Variants in SEM1 observed in about 807,000 individuals in gnomAD.
SEM1 encodes the protein 26S proteasome complex subunit SEM1.
A neutral mutation model predicts 12.7 loss-of-function variants in SEM1; 3 were observed. The observed-to-expected ratio is 0.24, with a 90% CI of 0.11 to 0.61. SEM1 has a LOEUF of 0.61. SEM1 is among the 20% of genes least tolerant of loss of function. The pLI is 0.88. For missense variants in SEM1, 59 were observed against 81.3 expected, an observed-to-expected ratio of 0.73 and a Z score of 1.06; for synonymous variants, 30 against 27.8, an observed-to-expected ratio of 1.08 and a Z score of -0.25.
intron 2 of SEM1, among the ~76,000 whole-genome samples, chr7:96,643,390 T>C (rs2116401713): frequency 6.6e-6 from 1 of 152,256 alleles, no homozygotes. Flanking sequence ...GGGGTACATG[T>C]ACAGAACATG....
intron 1 of SEM1, among the ~76,000 whole-genome samples, chr7:96,704,687 A>G (rs1441029433): frequency 6.6e-6 from 1 of 152,182 alleles, no homozygotes; most frequent in Non-Finnish European, 1.5e-5. Context: ...ACTAATTCAA[A>G]TGTTTAATGG....
chr7:96,530,522 A>G (rs1425464574), intron 2 of SEM1, among the ~76,000 whole-genome samples: 1 of 152,108 alleles, frequency 6.6e-6, no homozygotes, highest in African/African-American at 2.4e-5. Context: ...GCTGGGAACA[A>G]AAAAGAGCAC....
At chr7:96,485,408 C>T (rs1181905291) in intron 2 of SEM1, among the ~76,000 whole-genome samples, 4 of 151,922 alleles carry the variant, frequency 2.6e-5, no homozygotes, top group Admixed American at 2.6e-4. Flanking sequence ...TCCCTCAATC[C>T]CTCCTCTTGC....
intron 2 of SEM1, among the ~76,000 whole-genome samples, chr7:96,560,438 T>C (rs1805657834): frequency 6.6e-6 from 1 of 152,206 alleles, no homozygotes; most frequent in Admixed American, 6.5e-5. Context: ...TAAATTTCTT[T>C]AGTAAAGTAC....
intron 1 of SEM1, among the ~76,000 whole-genome samples, chr7:96,700,714 T>C (rs1277620164): frequency 2.6e-5 from 4 of 152,166 alleles, no homozygotes; most frequent in Non-Finnish European, 4.4e-5. Context: ...TAAACCACAA[T>C]TGCTTACTGC....
At chr7:96,668,463 C>T (rs1352993485), downstream of SEM1, among the ~76,000 whole-genome samples, 5 of 152,108 alleles carry the variant, frequency 3.3e-5, no homozygotes, top group East Asian at 9.6e-4. Context: ...CAATTACAGT[C>T]CTCAACTTTA....
chr7:96,625,514 G>GT (rs1201907299), intron 2 of SEM1, among the ~76,000 whole-genome samples: 2 of 152,176 alleles, frequency 1.3e-5, no homozygotes, highest in African/African-American at 4.8e-5. Flanking sequence ...TTACTCCCTA[G>GT]TGTTGTCACT....
intron 2 of SEM1, among the ~76,000 whole-genome samples, chr7:96,593,277 T>C (rs564579853): frequency 1.3e-5 from 2 of 152,304 alleles, no homozygotes; most frequent in East Asian, 1.9e-4. Context: ...TATTGCTTGA[T>C]GGCAACTCAA....
At chr7:96,483,819 A>G (rs1170245037) in exon 4 of SEM1, 1 of 1,536,036 alleles carries the variant, frequency 6.5e-7, no homozygotes, top group Non-Finnish European at 8.7e-7. Context: ...AGATGTGGGC[A>G]CCATATGACC....
At chr7:96,630,536 C>T (rs1808216757) in intron 2 of SEM1, among the ~76,000 whole-genome samples, 1 of 152,138 alleles carries the variant, frequency 6.6e-6, no homozygotes, top group South Asian at 2.1e-4. Context: ...GAACAGGCTC[C>T]CCTCTGGCCC....
chr7:96,589,916 G>T (rs1382288001), intron 2 of SEM1, among the ~76,000 whole-genome samples: 5 of 152,100 alleles, frequency 3.3e-5, no homozygotes. Flanking sequence ...AGAGGGTCAT[G>T]CACAAAAATA....
At chr7:96,570,218 T>C (rs530158614) in intron 2 of SEM1, among the ~76,000 whole-genome samples, 1 of 151,882 alleles carries the variant, frequency 6.6e-6, no homozygotes, top group Admixed American at 6.6e-5. Flanking sequence ...TTTAATACTT[T>C]AAGTTCTGGG....
chr7:96,515,841 G>T (rs1027619048), intron 2 of SEM1, among the ~76,000 whole-genome samples: 1 of 152,008 alleles, frequency 6.6e-6, no homozygotes, highest in Non-Finnish European at 1.5e-5. Context: ...ACACAGGGAC[G>T]CAGGGCAGGG....
At chr7:96,526,584 C>T (rs529947959) in intron 2 of SEM1, among the ~76,000 whole-genome samples, 1 of 152,210 alleles carries the variant, frequency 6.6e-6, no homozygotes, top group South Asian at 2.1e-4. Flanking sequence ...GGAAAGCCAC[C>T]AGGACAAACA....
intron 2 of SEM1, among the ~76,000 whole-genome samples, chr7:96,683,191 T>C (rs1382304677): frequency 6.7e-6 from 1 of 148,808 alleles, no homozygotes; most frequent in Non-Finnish European, 1.5e-5. Flanking sequence ...AACAAGGATA[T>C]AGAACTAGAA....
intron 1 of SEM1, chr7:96,697,365 G>A (rs1454931496): frequency 6.6e-6 from 1 of 151,810 alleles, no homozygotes; most frequent in Non-Finnish European, 1.5e-5. Context: ...CAAGATCTAA[G>A]ACATACTTCA....
Position 96,515,825 on chromosome 7 carries a change from A to G in SEM1, c.171-9127T>C, listed in dbSNP as rs1175108265. Among the ~76,000 whole-genome samples, 3 of 152,116 alleles carry G rather than the reference A, an allele frequency of 2.0e-5. No homozygotes were observed. The East Asian group carries it at 5.8e-4, about 29-fold the overall frequency. On this transcript the variant is annotated intron_variant and NMD_transcript_variant, in intron 2 of 3. Transcript: ENST00000466986. ...CTCACTCATAAGTAGGAGCTGAACA[A>G]TGAGAACACAGGGACGCAGGGCAGG...
At chr7:96,570,428 G>A (rs928530242) in intron 2 of SEM1, among the ~76,000 whole-genome samples, 6 of 151,390 alleles carry the variant, frequency 4.0e-5, no homozygotes, top group African/African-American at 7.3e-5. Context: ...TCCCACTTAC[G>A]AGTGAGAACA....
At chr7:96,614,791 A>G (rs568665974) in intron 2 of SEM1, among the ~76,000 whole-genome samples, 1 of 152,362 alleles carries the variant, frequency 6.6e-6, no homozygotes, top group East Asian at 1.9e-4. Flanking sequence ...TCTGGTCCAC[A>G]GAAGTGTTCA....
Sources: allele counts gnomAD v4.1 joint callset (sites outside exome capture counted in the v4.1 genomes callset), GRCh38; gene constraint gnomAD v4.1.1; transcripts MANE v1.5; gene names NCBI Gene and HGNC (gene_info 2026-07-23, HGNC 2026-07-21).